Variants in SLC7A11 observed in about 807,000 individuals in gnomAD.
SLC7A11 encodes cystine/glutamate transporter.
In SLC7A11, 35 loss-of-function variants were observed where a neutral mutation model predicts 54.5. That is an observed-to-expected ratio of 0.64 (90% CI 0.49 to 0.85). The LOEUF is 0.85. SLC7A11 is among the 40% of genes least tolerant of loss of function. SLC7A11 has a pLI of 0.00. For synonymous variants in SLC7A11, 230 were observed against 225.2 expected (o/e 1.02, Z -0.19); for missense variants, 583 against 618.1 (o/e 0.94, Z 0.60).
intron 6 of SLC7A11, among the ~76,000 whole-genome samples, chr4:138,210,513 T>A (rs934924688): frequency 6.6e-6 from 1 of 151,868 alleles, no homozygotes; most frequent in Non-Finnish European, 1.5e-5. Flanking sequence ...AAGTTTAATA[T>A]CCAAAATCTA....
intron 6 of SLC7A11, among the ~76,000 whole-genome samples, chr4:138,189,056 C>G (rs964495712): frequency 1.3e-5 from 2 of 152,076 alleles, no homozygotes; most frequent in African/African-American, 4.8e-5. Context: ...TTCTTATGGG[C>G]TTATTTTAAA....
chr4:138,209,188 T>C (rs1157762037), intron 6 of SLC7A11, among the ~76,000 whole-genome samples: 1 of 151,984 alleles, frequency 6.6e-6, no homozygotes, highest in Non-Finnish European at 1.5e-5. Flanking sequence ...TTCTATTAGG[T>C]CACAAATTTA....
rs1279632270 is a variant in SLC7A11, at chr4:138,168,122, G to A, written c.*3834C>T. The A allele has an allele frequency of 6.6e-6, 1 of 152,046 alleles. No individual in the cohort carries two copies. Among genetic ancestry groups the A allele is most frequent in the Non-Finnish European group, 1.5e-5 (1 of 68,008 alleles). 9.4% of individuals were successfully genotyped at this position (152,046 alleles called of 1,614,324 possible). A position where few individuals can be genotyped will look rare whatever the true frequency, so the allele number is the denominator to read the frequency against. On this transcript the variant is annotated 3_prime_UTR_variant, in exon 12 of 12. Transcript: ENST00000280612. ...TCACATGGACAATGCAGATTTTGTG[G>A]GGGTAGAAGTGTACACAACTTTGCT...
intron 6 of SLC7A11, among the ~76,000 whole-genome samples, chr4:138,202,739 A>G (rs1280560290): frequency 6.6e-6 from 1 of 152,124 alleles, no homozygotes; most frequent in Non-Finnish European, 1.5e-5. Context: ...CCGATAACCC[A>G]GAGGCTCAGA....
chr4:138,221,087 G>C (rs997742796), intron 4 of SLC7A11, among the ~76,000 whole-genome samples: 2 of 152,128 alleles, frequency 1.3e-5, no homozygotes, highest in Non-Finnish European at 2.9e-5. Context: ...ATCATAATCT[G>C]TGGTCTCTTT....
intron 6 of SLC7A11, among the ~76,000 whole-genome samples, chr4:138,195,105 A>T (rs1372601467): frequency 6.6e-6 from 1 of 152,194 alleles, no homozygotes; most frequent in Admixed American, 6.5e-5. Flanking sequence ...TTATAACTTC[A>T]AAGTGTCAGC....
At chr4:138,197,386 A>C (rs932577271) in intron 6 of SLC7A11, among the ~76,000 whole-genome samples, 5 of 152,118 alleles carry the variant, frequency 3.3e-5, no homozygotes, top group African/African-American at 1.2e-4. Flanking sequence ...TTGGGGGTAA[A>C]AAGAACAAAA....
chr4:138,201,005 T>A (rs1367422979), intron 6 of SLC7A11, among the ~76,000 whole-genome samples: 1 of 152,072 alleles, frequency 6.6e-6, no homozygotes, highest in Non-Finnish European at 1.5e-5. Flanking sequence ...AATAGCATCA[T>A]GAAAAGCCAA....
At chr4:138,201,719 A>G (rs1430704654) in intron 6 of SLC7A11, among the ~76,000 whole-genome samples, 2 of 152,128 alleles carry the variant, frequency 1.3e-5, no homozygotes, top group Non-Finnish European at 2.9e-5. Context: ...ATGGGTGACA[A>G]ATGAACTAAT....
At chr4:138,198,344 A>C (rs1737190124) in intron 6 of SLC7A11, among the ~76,000 whole-genome samples, 1 of 152,134 alleles carries the variant, frequency 6.6e-6, no homozygotes, top group African/African-American at 2.4e-5. Context: ...CTTTTTACAA[A>C]TAATATAATA....
intron 11 of SLC7A11, among the ~76,000 whole-genome samples, chr4:138,178,663 A>G (rs1736643703): frequency 6.6e-6 from 1 of 152,146 alleles, no homozygotes; most frequent in African/African-American, 2.4e-5. Context: ...AACTTAAAGT[A>G]AAATTTAAAA....
chr4:138,196,792 T>G (rs1412444934), intron 6 of SLC7A11, among the ~76,000 whole-genome samples: 1 of 152,136 alleles, frequency 6.6e-6, no homozygotes, highest in Non-Finnish European at 1.5e-5. Context: ...CCCGAGTAGC[T>G]GGGATTACAG....
At chr4:138,233,771 A>G (rs1430209334) in intron 2 of SLC7A11, among the ~76,000 whole-genome samples, 1 of 152,208 alleles carries the variant, frequency 6.6e-6, no homozygotes, top group African/African-American at 2.4e-5. Flanking sequence ...TGCTTTCAAA[A>G]TATGTTCAGG....
chr4:138,237,046 C>T (rs1488936610), intron 1 of SLC7A11, among the ~76,000 whole-genome samples: 6 of 130,390 alleles, frequency 4.6e-5, no homozygotes, highest in African/African-American at 1.4e-4. Context: ...AGTGCAGTGG[C>T]GCGATCTCGG....
At chr4:138,205,208 A>C (rs1737379334) in intron 6 of SLC7A11, among the ~76,000 whole-genome samples, 1 of 152,094 alleles carries the variant, frequency 6.6e-6, no homozygotes, top group African/African-American at 2.4e-5. Context: ...AGACAGGATT[A>C]GAATTTTGAT....
Position 138,170,911 on chromosome 4 carries a change from A to G in SLC7A11, c.*1045T>C, listed in dbSNP as rs1449200666. On this transcript the variant is annotated 3_prime_UTR_variant, in exon 12 of 12. Coordinates refer to ENST00000280612, the MANE Select transcript of SLC7A11 (RefSeq NM_014331.4). ...ATTTTAACAGAAGAATATAAAATGT[A>G]TAAAGAAAATGCACAAACTGTCAAA... is the stretch of plus-strand genomic sequence containing the variant. 1 of 152,234 alleles carries G rather than the reference A, an allele frequency of 6.6e-6. No homozygotes were observed. Among genetic ancestry groups the G allele is most frequent in the South Asian group, 2.1e-4 (1 of 4,838 alleles). The allele number at this position is 152,234 out of a possible 1,614,324, so 9.4% of individuals were successfully genotyped here.
In SLC7A11 at chr4:138,170,269, T is replaced by TACACAC. The variant is rs1349979159; in HGVS notation, c.*1686_*1687insGTGTGT. On this transcript the variant is annotated 3_prime_UTR_variant, in exon 12 of 12. Transcript: ENST00000280612. ...GTGTGTGTATATATATATATATATATATACACACACACACACACACACACA... is the reference window on the plus strand; with the variant it reads ...GTGTGTGTATATATATATATATATATACACACATACACACACACACACACACACACA... The TACACAC allele has an allele frequency of 3.3e-4, 27 of 81,296 alleles. No individual in the cohort carries two copies. Among genetic ancestry groups the TACACAC allele is most frequent in the East Asian group, 1.1e-3 (3 of 2,624 alleles). 5.0% of individuals were successfully genotyped at this position (81,296 alleles called of 1,614,324 possible).
intron 3 of SLC7A11, 48 bp downstream of exon 3, chr4:138,232,219 A>G (rs776795841): frequency 1.6e-6 from 2 of 1,226,700 alleles, no homozygotes; most frequent in East Asian, 2.3e-5. Flanking sequence ...GTCTTCAATC[A>G]TTTTTGTGTT....
chr4:138,199,150 T>C (rs918722355), intron 6 of SLC7A11, among the ~76,000 whole-genome samples: 8 of 152,146 alleles, frequency 5.3e-5, no homozygotes, highest in African/African-American at 1.7e-4. Context: ...ACATTTACAT[T>C]TATCTCAAGC....
Sources: gnomAD v4.1 joint callset for allele counts (sites outside exome capture counted in the v4.1 genomes callset) on GRCh38, gnomAD v4.1.1 for gene constraint, MANE v1.5 for transcripts, NCBI Gene and HGNC (gene_info 2026-07-23, HGNC 2026-07-21) for gene names.